The following SNTG1 variants were observed in gnomAD, a reference collection of about 807,000 sequenced individuals.
The protein encoded by SNTG1 is syntrophin gamma 1, also known as gamma-1-syntrophin.
SNTG1 carries 39 observed loss-of-function variants against 74.7 expected under a neutral mutation model. The observed-to-expected ratio is 0.52, with a 90% CI of 0.40 to 0.68. SNTG1 has a LOEUF of 0.68. SNTG1 is among the 30% of genes least tolerant of loss of function. SNTG1 has a pLI of 0.00. For missense variants in SNTG1, 685 were observed against 609.5 expected (o/e 1.12, Z -1.30); for synonymous variants, 254 against 217.1 (o/e 1.17, Z -1.49).
chr8:50,345,377 C>T (rs1400629256), intron 2 of SNTG1, among the ~76,000 whole-genome samples: 1 of 152,118 alleles, frequency 6.6e-6, no homozygotes, highest in African/African-American at 2.4e-5. Context: ...AGTGGTCCAC[C>T]TGCTTCCTGG....
chr8:50,753,495 C>T (rs1036363002), intron 18 of SNTG1, among the ~76,000 whole-genome samples: 4 of 151,834 alleles, frequency 2.6e-5, no homozygotes, highest in African/African-American at 7.3e-5. Flanking sequence ...AGTTGCTTAC[C>T]CCAACACTTT....
At chr8:50,146,296 T>C (rs1406079952) in intron 1 of SNTG1, among the ~76,000 whole-genome samples, 2 of 152,066 alleles carry the variant, frequency 1.3e-5, no homozygotes, top group African/African-American at 4.8e-5. Flanking sequence ...GGCGGGTGGA[T>C]CACCTGAGGT....
At chr8:50,262,480 T>C (rs1469392794) in intron 2 of SNTG1, among the ~76,000 whole-genome samples, 1 of 152,160 alleles carries the variant, frequency 6.6e-6, no homozygotes, top group Non-Finnish European at 1.5e-5. Context: ...GTGCGATCTC[T>C]GCTCACTGCA....
chr8:50,681,799 T>C (rs2095332007), intron 15 of SNTG1, among the ~76,000 whole-genome samples: 1 of 152,228 alleles, frequency 6.6e-6, no homozygotes. Flanking sequence ...AGCTCTCCCT[T>C]GCATTTCAAA....
At chr8:50,401,907 T>C (rs2092810851) in intron 3 of SNTG1, among the ~76,000 whole-genome samples, 2 of 152,228 alleles carry the variant, frequency 1.3e-5, no homozygotes, top group Non-Finnish European at 2.9e-5. Flanking sequence ...TTTTAGATTA[T>C]AAGTATTACA....
At chr8:50,183,936 C>T (rs1472212900) in intron 2 of SNTG1, among the ~76,000 whole-genome samples, 1 of 152,084 alleles carries the variant, frequency 6.6e-6, no homozygotes, top group Non-Finnish European at 1.5e-5. Context: ...AGAAAATCTA[C>T]CAAACTAGCT....
intron 1 of SNTG1, among the ~76,000 whole-genome samples, chr8:50,022,896 G>T (rs1008659379): frequency 6.6e-6 from 1 of 152,174 alleles, no homozygotes; most frequent in East Asian, 1.9e-4. Flanking sequence ...GGTTCTCCAT[G>T]TTAGGAGAGT....
At chr8:50,480,771 G>A (rs2093733777) in intron 8 of SNTG1, among the ~76,000 whole-genome samples, 1 of 152,088 alleles carries the variant, frequency 6.6e-6, no homozygotes, top group Non-Finnish European at 1.5e-5. Context: ...AATAAATTGG[G>A]AAAATATTTT....
intron 8 of SNTG1, among the ~76,000 whole-genome samples, chr8:50,465,557 A>G (rs541167586): frequency 6.6e-6 from 1 of 152,288 alleles, no homozygotes; most frequent in African/African-American, 2.4e-5. Flanking sequence ...ACAATGTCAT[A>G]CAGAATAGTT....
chr8:50,563,584 A>T (rs975560982), intron 12 of SNTG1, among the ~76,000 whole-genome samples: 4 of 152,110 alleles, frequency 2.6e-5, no homozygotes, highest in Non-Finnish European at 5.9e-5. Flanking sequence ...ATTTTTTTTA[A>T]ATAAATTTTG....
At chr8:50,667,430 A>T (rs984004157) in intron 15 of SNTG1, among the ~76,000 whole-genome samples, 4 of 152,190 alleles carry the variant, frequency 2.6e-5, no homozygotes, top group Middle Eastern at 3.4e-3. Flanking sequence ...GGAGACTGTG[A>T]AGTCCAAGAG....
Position 50,138,458 on chromosome 8 carries a change from TA to T in SNTG1, c.-102-34093del, listed in dbSNP as rs954650357. ...TATGGTGAAACTCCATCTCTACTAATAAAAAAAAAATAAAAAATTAGCCAGG... is the reference window on the plus strand; with the variant it reads ...TATGGTGAAACTCCATCTCTACTAATAAAAAAAAATAAAAAATTAGCCAGG... On this transcript the variant is annotated intron_variant, in intron 1 of 18. Coordinates refer to ENST00000642720, the MANE Select transcript of SNTG1 (RefSeq NM_018967.5). Among the ~76,000 whole-genome samples, 275 of 146,032 alleles carry T rather than the reference TA, an allele frequency of 1.9e-3. 2 individuals are homozygous for T. Among genetic ancestry groups the T allele is most frequent in the African/African-American group, 6.2e-3 (246 of 39,736 alleles).
intron 1 of SNTG1, among the ~76,000 whole-genome samples, chr8:49,964,339 T>A (rs1810956612): frequency 1.3e-5 from 2 of 152,208 alleles, no homozygotes; most frequent in African/African-American, 4.8e-5. Context: ...GGTCTGCAAC[T>A]AGCAGCTGAC....
At chr8:50,242,544 A>C (rs568625997) in intron 2 of SNTG1, among the ~76,000 whole-genome samples, 4 of 100,472 alleles carry the variant, frequency 4.0e-5, no homozygotes, top group African/African-American at 9.0e-5. Context: ...AAAAAAAAAA[A>C]ACACACCAGG....
intron 5 of SNTG1, among the ~76,000 whole-genome samples, chr8:50,442,634 C>T (rs1283645517): frequency 1.5e-5 from 2 of 132,892 alleles, no homozygotes; most frequent in African/African-American, 2.9e-5. Flanking sequence ...TCTCAGAAAT[C>T]ACATACTTGT....
chr8:50,664,646 C>G (rs548574942), intron 15 of SNTG1, among the ~76,000 whole-genome samples: 1 of 152,216 alleles, frequency 6.6e-6, no homozygotes, highest in South Asian at 2.1e-4. Context: ...CAGAGGATAC[C>G]CAAGGCCTTT....
intron 1 of SNTG1, among the ~76,000 whole-genome samples, chr8:50,111,158 A>T (rs2080571092): frequency 6.6e-6 from 1 of 152,064 alleles, no homozygotes; most frequent in Non-Finnish European, 1.5e-5. Context: ...TTTTGTTGTC[A>T]TCGCCTTACT....
At chr8:50,366,375 A>C (rs1354339331) in intron 2 of SNTG1, among the ~76,000 whole-genome samples, 2 of 152,112 alleles carry the variant, frequency 1.3e-5, no homozygotes, top group Admixed American at 1.3e-4. Context: ...GTTACGTTTA[A>C]ATTGGTATTT....
At chr8:50,700,251 T>C (rs945662727) in intron 15 of SNTG1, among the ~76,000 whole-genome samples, 6 of 152,198 alleles carry the variant, frequency 3.9e-5, no homozygotes, top group Non-Finnish European at 8.8e-5. Context: ...TAGTTATATA[T>C]ATATTATTAC....
Sources: allele counts gnomAD v4.1 joint callset (sites outside exome capture counted in the v4.1 genomes callset), GRCh38; gene constraint gnomAD v4.1.1; transcripts MANE v1.5; gene names NCBI Gene and HGNC (gene_info 2026-07-23, HGNC 2026-07-21).